TENM3: variants seen among roughly 807,000 people sequenced by gnomAD.
TENM3 encodes teneurin-3.
TENM3 carries 63 observed loss-of-function variants against 255.1 expected under a neutral mutation model. The observed-to-expected ratio is 0.25, with a 90% CI of 0.20 to 0.30. The LOEUF is 0.30. Ranked by LOEUF, TENM3 falls within the 10% of genes least tolerant of loss-of-function variation. The pLI is 1.00. For synonymous variants in TENM3, 1,306 were observed against 1,322.3 expected (o/e 0.99, Z 0.27); for missense variants, 2,929 against 3,461.1 (o/e 0.85, Z 3.86).
the TENM3 span, among the ~76,000 whole-genome samples, chr4:181,727,362 C>T: frequency 6.6e-6 from 1 of 152,140 alleles, no homozygotes; most frequent in South Asian, 2.1e-4. Context: ...ACTTTTATTG[C>T]TTAGGAACTA....
At chr4:182,769,810 G>A (rs1764035269) in intron 22 of TENM3, among the ~76,000 whole-genome samples, 1 of 139,974 alleles carries the variant, frequency 7.1e-6, no homozygotes, top group African/African-American at 2.7e-5. Context: ...CATAAATAAA[G>A]AACAGTCCTT....
the TENM3 span, among the ~76,000 whole-genome samples, chr4:181,814,099 T>C: frequency 1.3e-5 from 2 of 152,244 alleles, no homozygotes; most frequent in Non-Finnish European, 2.9e-5. Flanking sequence ...TTAAAGGCTT[T>C]AGAGAAGGTT....
the TENM3 span, among the ~76,000 whole-genome samples, chr4:181,728,617 G>A: frequency 6.6e-6 from 1 of 152,216 alleles, no homozygotes; most frequent in Non-Finnish European, 1.5e-5. Flanking sequence ...GTAATGAGCA[G>A]TGAGGAGGAC....
chr4:181,988,709 T>G, the TENM3 span, among the ~76,000 whole-genome samples: 1 of 152,084 alleles, frequency 6.6e-6, no homozygotes, highest in Non-Finnish European at 1.5e-5. Context: ...GTATGTTAAG[T>G]AATTTGCCCA....
chr4:182,687,424 A>G (rs1427746086), intron 11 of TENM3, among the ~76,000 whole-genome samples: 1 of 152,132 alleles, frequency 6.6e-6, no homozygotes, highest in African/African-American at 2.4e-5. Context: ...CTAACCTGGT[A>G]TTAAAACATT....
At chr4:182,464,482 C>G (rs762819415) in intron 3 of TENM3, among the ~76,000 whole-genome samples, 51 of 152,246 alleles carry the variant, frequency 3.3e-4, no homozygotes, top group Non-Finnish European at 5.7e-4. Flanking sequence ...GTCTCCAACT[C>G]CTGACCTCAG....
chr4:181,913,151 A>G, the TENM3 span, among the ~76,000 whole-genome samples: 1 of 152,160 alleles, frequency 6.6e-6, no homozygotes, highest in Non-Finnish European at 1.5e-5. Context: ...TGAAGCAGGA[A>G]CCAATGCGGG....
chr4:181,523,030 G>T, the TENM3 span: 2 of 621,476 alleles, frequency 3.2e-6, no homozygotes, highest in Non-Finnish European at 3.1e-6. Flanking sequence ...GATTGTAGAA[G>T]AAGGGAAATC....
In TENM3 at chr4:182,793,004, G is replaced by A. The variant is rs761085511; in HGVS notation, c.6332G>A (p.Arg2111Gln). ...ACAATTCAGTATGATAACATGGGTCGGGTAACCAAGAGAGAGATTAAAATA... is the reference window on the plus strand; with the variant it reads ...ACAATTCAGTATGATAACATGGGTCAGGTAACCAAGAGAGAGATTAAAATA... The part of the protein sequence containing the change: ...WITIQYDNMG[R>Q]VTKREIKIGP... The change falls in exon 26 of 28, where the codon CGG (arginine) becomes CAG (glutamine). Residue 2111 changes from arginine to glutamine, a missense_variant. Arg to Gln is a conservative substitution (Grantham distance 43). Coordinates refer to ENST00000511685, the MANE Select transcript of TENM3 (RefSeq NM_001080477.4). The surrounding 1 kb of genome is among the most constrained non-coding windows in gnomAD (Gnocchi z 5.7). 9.3e-6 allele frequency: 15 copies of A among 1,613,702 alleles called. No homozygotes were observed. The highest frequency in any genetic ancestry group is 1.2e-5 in the Non-Finnish European group (14 of 1,179,848).
the TENM3 span, among the ~76,000 whole-genome samples, chr4:181,744,846 ATT>A: frequency 6.6e-6 from 1 of 152,236 alleles, no homozygotes; most frequent in Non-Finnish European, 1.5e-5. Context: ...TGGAGTTATA[ATT>A]TACTAAGGTA....
chr4:181,496,730 G>A, the TENM3 span, among the ~76,000 whole-genome samples: 3 of 152,174 alleles, frequency 2.0e-5, no homozygotes, highest in African/African-American at 7.2e-5. Flanking sequence ...TACGGTGAAT[G>A]TCAAATGAAT....
chr4:181,583,128 T>TTTA, the TENM3 span, among the ~76,000 whole-genome samples: 10 of 148,392 alleles, frequency 6.7e-5, no homozygotes, highest in African/African-American at 2.5e-4. Flanking sequence ...CCTTCTGTAG[T>TTTA]ATTTTTTTTT....
chr4:181,907,599 G>GAGAGA, the TENM3 span, among the ~76,000 whole-genome samples: 1 of 152,106 alleles, frequency 6.6e-6, no homozygotes, highest in Admixed American at 6.6e-5. Flanking sequence ...AGGGAAGAGG[G>GAGAGA]AGAGAAGGTG....
chr4:182,347,000 G>GGT, intron 3 of TENM3, 71 bp downstream of exon 3: 2 of 1,150,198 alleles, frequency 1.7e-6, no homozygotes, highest in Non-Finnish European at 1.2e-6. Flanking sequence ...CTCCGCGGGG[G>GGT]GGGATGTTTT....
intron 1 of TENM3, among the ~76,000 whole-genome samples, chr4:182,213,214 A>G (rs17235716): frequency 0.16 from 24,786 of 152,244 alleles, 2,468 homozygotes; most frequent in Non-Finnish European, 0.21. Flanking sequence ...AATAAGGCAG[A>G]ATGCATTTAG....
chr4:181,915,417 A>G, the TENM3 span, among the ~76,000 whole-genome samples: 1 of 152,158 alleles, frequency 6.6e-6, no homozygotes, highest in Non-Finnish European at 1.5e-5. Context: ...GAGATATCAA[A>G]TAAGAATCAG....
At chr4:182,731,741 TAC>T (rs1760746575) in intron 16 of TENM3, among the ~76,000 whole-genome samples, 1 of 143,478 alleles carries the variant, frequency 7.0e-6, no homozygotes. Flanking sequence ...GTGTGTGTCC[TAC>T]AGTAGACATT....
the TENM3 span, among the ~76,000 whole-genome samples, chr4:181,891,125 C>CTAA: frequency 6.6e-6 from 1 of 152,128 alleles, no homozygotes; most frequent in African/African-American, 2.4e-5. Flanking sequence ...GTTACTGGAA[C>CTAA]ATTAAGTAGG....
chr4:182,665,836 C>G (rs1216118924), intron 6 of TENM3, among the ~76,000 whole-genome samples: 1 of 152,038 alleles, frequency 6.6e-6, no homozygotes, highest in East Asian at 1.9e-4. Context: ...GCGGAGGTTG[C>G]AGTGAGCCAA....
Sources: gnomAD v4.1 joint callset for allele counts (sites outside exome capture counted in the v4.1 genomes callset) on GRCh38, gnomAD v4.1.1 for gene constraint, Gnocchi (gnomAD v3.1) non-coding constraint, MANE v1.5 for transcripts, NCBI Gene and HGNC (gene_info 2026-07-23, HGNC 2026-07-21) for gene names.